CATSPER3: variants seen among roughly 807,000 people sequenced by gnomAD.
CATSPER3 encodes the protein cation channel sperm associated 3.
A neutral mutation model predicts 36.6 loss-of-function variants in CATSPER3; 23 were observed. The observed-to-expected ratio is 0.63, with a 90% CI of 0.45 to 0.89. The LOEUF is 0.89. CATSPER3 is among the 40% of genes least tolerant of loss of function. The pLI is 0.00. For synonymous variants in CATSPER3, 172 were observed against 184.1 expected, an observed-to-expected ratio of 0.93 and a Z score of 0.53; for missense variants, 474 against 503.9, an observed-to-expected ratio of 0.94 and a Z score of 0.57.
intron 2 of CATSPER3, among the ~76,000 whole-genome samples, chr5:134,982,091 T>C (rs1751758230): frequency 2.0e-5 from 3 of 152,096 alleles, no homozygotes; most frequent in Admixed American, 2.0e-4. Context: ...CAGTAACAGA[T>C]TTGAGTAAAT....
At chr5:135,006,349 G>T (rs1299059329) in intron 3 of CATSPER3, among the ~76,000 whole-genome samples, 2 of 152,180 alleles carry the variant, frequency 1.3e-5, no homozygotes, top group African/African-American at 4.8e-5. Flanking sequence ...GAGGTGGGAG[G>T]CCCAACCAGG....
chr5:135,007,914 G>A, intron 3 of CATSPER3, 43 bp from the exon 4 acceptor site: 1 of 1,548,640 alleles, frequency 6.5e-7, no homozygotes. Flanking sequence ...AGCCCACCCA[G>A]CTTGGTGGTA....
chr5:134,972,815 G>A (rs1751622713), intron 2 of CATSPER3, among the ~76,000 whole-genome samples: 1 of 152,168 alleles, frequency 6.6e-6, no homozygotes, highest in Admixed American at 6.5e-5. Flanking sequence ...TGAGAATATG[G>A]AGTTTGAACA....
chr5:134,968,175 C>G, intron 1 of CATSPER3, 86 bp downstream of exon 1: 1 of 919,662 alleles, frequency 1.1e-6, no homozygotes, highest in Non-Finnish European at 1.8e-6. Context: ...TCAGCCTCTT[C>G]CCTCAGATAC....
At chr5:135,009,278 C>T (rs1348164842) in intron 5 of CATSPER3, 93 bp from the exon 6 acceptor site, 7 of 1,340,348 alleles carry the variant, frequency 5.2e-6, no homozygotes, top group Non-Finnish European at 7.5e-6. Context: ...CTGCTGAGGG[C>T]CTGAGCAGCG....
At chr5:135,005,771 A>G (rs1418110535) in intron 3 of CATSPER3, among the ~76,000 whole-genome samples, 5 of 146,938 alleles carry the variant, frequency 3.4e-5, no homozygotes, top group Non-Finnish European at 7.3e-5. Flanking sequence ...ACAAATGTTC[A>G]TCAGCATTTC....
chr5:135,001,946 C>T (rs969779636), intron 3 of CATSPER3, among the ~76,000 whole-genome samples: 7 of 152,320 alleles, frequency 4.6e-5, no homozygotes, highest in African/African-American at 1.7e-4. Context: ...TTAATTGGAG[C>T]ATTGAGCCCA....
intron 2 of CATSPER3, among the ~76,000 whole-genome samples, chr5:134,979,554 G>A (rs1005149230): frequency 5.3e-5 from 8 of 152,204 alleles, no homozygotes; most frequent in African/African-American, 1.9e-4. Flanking sequence ...TGGCTATAGA[G>A]AGGGAATTTC....
At chr5:134,977,198 C>A (rs1260141482) in intron 2 of CATSPER3, among the ~76,000 whole-genome samples, 8 of 152,208 alleles carry the variant, frequency 5.3e-5, no homozygotes, top group Non-Finnish European at 1.0e-4. Context: ...CTGTCTCTGG[C>A]AAATGGCGAG....
At chr5:134,975,988 A>G (rs1450520564) in intron 2 of CATSPER3, among the ~76,000 whole-genome samples, 2 of 152,262 alleles carry the variant, frequency 1.3e-5, no homozygotes, top group African/African-American at 4.8e-5. Flanking sequence ...GGATGAACTT[A>G]GAAGACATTA....
At chr5:135,008,372 G>A (rs1264264543) in intron 4 of CATSPER3, among the ~76,000 whole-genome samples, 1 of 152,120 alleles carries the variant, frequency 6.6e-6, no homozygotes, top group Non-Finnish European at 1.5e-5. Context: ...GTCTCACAGG[G>A]TGATCAAACT....
At chr5:134,982,226 A>G (rs1371171315) in intron 2 of CATSPER3, among the ~76,000 whole-genome samples, 1 of 152,192 alleles carries the variant, frequency 6.6e-6, no homozygotes, top group Non-Finnish European at 1.5e-5. Flanking sequence ...AAAACATACT[A>G]ATATACACAT....
Position 135,010,512 on chromosome 5 carries a change from A to C in CATSPER3, c.1076A>C (p.Gln359Pro), listed in dbSNP as rs1442977746. The change falls in exon 7 of 8, where the codon CAG (glutamine) becomes CCG (proline). Residue 359 changes from glutamine to proline, a missense_variant. Physicochemically the swap from Gln to Pro is moderately conservative, Grantham distance 76. Transcript: ENST00000282611. ...ATCTACTTTTCCACTCTGGACTACC[A>C]GGACACAACTGTCCACAAGTCAGTT... ...IDIYFSTLDY[Q>P]DTTVHKLQEL... 2 of 1,614,038 alleles carry C rather than the reference A, an allele frequency of 1.2e-6. No homozygotes were observed. The highest frequency in any genetic ancestry group is 1.7e-6 in the Non-Finnish European group (2 of 1,179,976).
At chr5:134,980,952 T>C (rs1412674981) in intron 2 of CATSPER3, among the ~76,000 whole-genome samples, 1 of 152,204 alleles carries the variant, frequency 6.6e-6, no homozygotes, top group Admixed American at 6.5e-5. Context: ...ACTCCTGGCC[T>C]CAAGAGATTC....
At chr5:134,970,144 T>A in intron 2 of CATSPER3, 52 bp downstream of exon 2, 1 of 1,557,922 alleles carries the variant, frequency 6.4e-7, no homozygotes, top group Non-Finnish European at 8.8e-7. Context: ...CATGCTTTAT[T>A]TCTGGAAACA....
At chr5:134,994,028 G>A (rs1470729088) in intron 2 of CATSPER3, among the ~76,000 whole-genome samples, 1 of 152,226 alleles carries the variant, frequency 6.6e-6, no homozygotes, top group African/African-American at 2.4e-5. Context: ...GGGAAGCTGA[G>A]GCAGGAGAGT....
chr5:135,010,654 A>T, intron 7 of CATSPER3, 124 bp downstream of exon 7: 2 of 860,294 alleles, frequency 2.3e-6, no homozygotes, highest in South Asian at 2.8e-5. Context: ...TGGGTGGAAC[A>T]TGGCTTTCTT....
chr5:134,976,260 GTGA>G (rs1751672084), intron 2 of CATSPER3, among the ~76,000 whole-genome samples: 2 of 152,174 alleles, frequency 1.3e-5, no homozygotes, highest in South Asian at 4.2e-4. Context: ...TTGAGCCTGA[GTGA>G]TGATCTGTGA....
chr5:134,973,604 T>C (rs1291411616), intron 2 of CATSPER3, among the ~76,000 whole-genome samples: 1 of 152,138 alleles, frequency 6.6e-6, no homozygotes, highest in Non-Finnish European at 1.5e-5. Context: ...AAGGAAGCTA[T>C]CAAAGACTAC....
Sources: allele counts gnomAD v4.1 joint callset (sites outside exome capture counted in the v4.1 genomes callset), GRCh38; gene constraint gnomAD v4.1.1; transcripts MANE v1.5; gene names NCBI Gene and HGNC (gene_info 2026-07-23, HGNC 2026-07-21).